Variants in PTPRN2 observed in about 807,000 individuals in gnomAD.
The protein encoded by PTPRN2 is receptor-type tyrosine-protein phosphatase N2.
A neutral mutation model predicts 118.8 loss-of-function variants in PTPRN2; 74 were observed. The ratio of observed to expected loss-of-function variants is 0.62; its 90% CI spans 0.52 to 0.76. PTPRN2 has a LOEUF of 0.76. Ranked by LOEUF, PTPRN2 falls within the 30% of genes least tolerant of loss-of-function variation. The probability of loss-of-function intolerance (pLI) is 0.00; values close to 1 mark genes in which losing one functional copy is unlikely to be tolerated. For missense variants in PTPRN2, 1,481 were observed against 1,394.4 expected (o/e 1.06, Z -0.99); for synonymous variants, 641 against 608.0 (o/e 1.05, Z -0.80).
chr7:158,111,397 C>T (rs965215002), intron 9 of PTPRN2, among the ~76,000 whole-genome samples: 1 of 152,168 alleles, frequency 6.6e-6, no homozygotes, highest in Non-Finnish European at 1.5e-5. Flanking sequence ...GGGGCGGGGG[C>T]ACTCCCGGAA....
intron 5 of PTPRN2, among the ~76,000 whole-genome samples, chr7:158,176,868 C>T (rs1824255365): frequency 3.3e-5 from 5 of 152,198 alleles, no homozygotes; most frequent in Admixed American, 3.3e-4. Flanking sequence ...GGCCACGGTC[C>T]TCATCGCTGT....
At chr7:158,275,390 C>T (rs903772251) in intron 3 of PTPRN2, among the ~76,000 whole-genome samples, 3 of 152,176 alleles carry the variant, frequency 2.0e-5, no homozygotes, top group South Asian at 2.1e-4. Context: ...GTTTTTTCTA[C>T]ATTGCCTAGA....
intron 12 of PTPRN2, among the ~76,000 whole-genome samples, chr7:157,811,559 G>A (rs1737315119): frequency 6.6e-6 from 1 of 151,974 alleles, no homozygotes; most frequent in Admixed American, 6.6e-5. Flanking sequence ...CAAATATACA[G>A]GATTTAATGT....
At chr7:157,920,940 A>G (rs1798662754) in intron 11 of PTPRN2, among the ~76,000 whole-genome samples, 1 of 152,214 alleles carries the variant, frequency 6.6e-6, no homozygotes, top group South Asian at 2.1e-4. Context: ...AAAACTGAAT[A>G]TATTATTAGT....
intron 3 of PTPRN2, among the ~76,000 whole-genome samples, chr7:158,218,391 C>T (rs1563617234): frequency 2.0e-5 from 3 of 152,076 alleles, no homozygotes; most frequent in African/African-American, 7.2e-5. Flanking sequence ...CAAGTGAACA[C>T]TAAAGAAATT....
intron 12 of PTPRN2, among the ~76,000 whole-genome samples, chr7:157,871,552 C>T (rs540907197): frequency 2.0e-5 from 3 of 152,176 alleles, no homozygotes; most frequent in Admixed American, 1.3e-4. Flanking sequence ...TTGGCCGACA[C>T]CACCCCAGGG....
chr7:158,084,322 G>A (rs1047199532), intron 10 of PTPRN2, among the ~76,000 whole-genome samples: 1 of 145,610 alleles, frequency 6.9e-6, no homozygotes, highest in African/African-American at 2.5e-5. Context: ...GGTGGCAGAT[G>A]GCTGAGTGCT....
chr7:158,239,653 C>T (rs1255565281), intron 3 of PTPRN2, among the ~76,000 whole-genome samples: 1 of 152,196 alleles, frequency 6.6e-6, no homozygotes. Flanking sequence ...GATGTCACAC[C>T]ACTTCACGCC....
chr7:157,783,890 A>G (rs776206953), intron 12 of PTPRN2, among the ~76,000 whole-genome samples: 2 of 152,156 alleles, frequency 1.3e-5, no homozygotes, highest in Non-Finnish European at 2.9e-5. Context: ...AAGTGAAACC[A>G]GGAAGGCAGG....
intron 11 of PTPRN2, among the ~76,000 whole-genome samples, chr7:158,070,828 GTGGAGGTGCCCATGGTGGTA>G (rs1418941044): frequency 2.3e-4 from 28 of 123,576 alleles, no homozygotes; most frequent in Non-Finnish European, 4.1e-4. Context: ...GCCCGTGGTG[GTGGAGGTGCCCATGGTGGTA>G]TGGAGGTGCC....
intron 3 of PTPRN2, among the ~76,000 whole-genome samples, chr7:158,304,298 T>A (rs1417321061): frequency 6.6e-6 from 1 of 151,062 alleles, no homozygotes; most frequent in Non-Finnish European, 1.5e-5. Flanking sequence ...CAGGCTTGGA[T>A]TTCTACATGC....
Position 157,540,114 on chromosome 7 carries a change from G to C in PTPRN2, c.*600C>G, listed in dbSNP as rs1301905127. The C allele has an allele frequency of 6.6e-6, 1 of 152,288 alleles. No homozygotes were observed. Among genetic ancestry groups the C allele is most frequent in the Non-Finnish European group, 1.5e-5 (1 of 68,108 alleles). 9.4% of individuals were successfully genotyped at this position (152,288 alleles called of 1,614,324 possible). A position where few individuals can be genotyped will look rare whatever the true frequency, so the allele number is the denominator to read the frequency against. On this transcript the variant is annotated 3_prime_UTR_variant, in exon 23 of 23. Transcript: ENST00000389418. ...TGAATCACTCTGCTTGGGCTGACAG[G>C]TGTGGCTGACGGGGCCGTCCATGGT...
At chr7:158,489,859 C>G in intron 1 of PTPRN2, 74 bp from the exon 2 acceptor site, 1 of 1,384,916 alleles carries the variant, frequency 7.2e-7, no homozygotes, top group Non-Finnish European at 9.9e-7. Flanking sequence ...GCCTTCCTGG[C>G]CCCCTGGTGA....
intron 3 of PTPRN2, among the ~76,000 whole-genome samples, chr7:158,280,120 C>A (rs1404350839): frequency 6.6e-6 from 1 of 152,184 alleles, no homozygotes; most frequent in Non-Finnish European, 1.5e-5. Flanking sequence ...AATGCTTTAA[C>A]TGGCCTGTCA....
At chr7:157,815,028 G>A (rs150304112) in intron 12 of PTPRN2, among the ~76,000 whole-genome samples, 248 of 152,360 alleles carry the variant, frequency 1.6e-3, no homozygotes, top group Admixed American at 4.2e-3. Context: ...GGGGCCCTGC[G>A]TTTCTCTCCT....
intron 11 of PTPRN2, among the ~76,000 whole-genome samples, chr7:157,931,673 G>T (rs891414332): frequency 6.6e-6 from 1 of 152,088 alleles, no homozygotes; most frequent in East Asian, 1.9e-4. Context: ...CTTACATGAC[G>T]AGGGGACATT....
chr7:158,144,379 C>G (rs921589937), intron 6 of PTPRN2, among the ~76,000 whole-genome samples: 2 of 152,116 alleles, frequency 1.3e-5, no homozygotes, highest in South Asian at 2.1e-4. Flanking sequence ...GGCTCACACC[C>G]GTAATCCCAG....
chr7:158,441,692 ATGGCAATGG>A (rs1817276440), intron 2 of PTPRN2, among the ~76,000 whole-genome samples: 1 of 124,728 alleles, frequency 8.0e-6, no homozygotes, highest in African/African-American at 3.1e-5. Context: ...GGTGGTGGTG[ATGGCAATGG>A]TGGCAGTGGT....
chr7:158,516,239 G>A (rs530448446), intron 1 of PTPRN2, among the ~76,000 whole-genome samples: 2 of 152,348 alleles, frequency 1.3e-5, no homozygotes, highest in East Asian at 3.9e-4. Flanking sequence ...CAGGGCTTTG[G>A]AAGGCTGAGG....
Sources: allele counts gnomAD v4.1 joint callset (sites outside exome capture counted in the v4.1 genomes callset), GRCh38; gene constraint gnomAD v4.1.1; transcripts MANE v1.5; gene names NCBI Gene and HGNC (gene_info 2026-07-23, HGNC 2026-07-21).